The following GPC5 variants were observed in gnomAD, a reference collection of about 807,000 sequenced individuals.
The protein encoded by GPC5 is glypican 5.
Under a neutral mutation model 53.9 loss-of-function variants are expected in GPC5, and 47 were observed. The ratio of observed to expected loss-of-function variants is 0.87; its 90% confidence interval spans 0.69 to 1.11. The LOEUF (loss-of-function observed/expected upper bound fraction) is 1.11, where lower values mean the gene tolerates loss of function less well. Among genes scored for constraint, GPC5 ranks in the 50% most tolerant of loss-of-function variants. GPC5 has a pLI of 0.00. For missense variants in GPC5, 748 were observed against 713.1 expected (o/e 1.05, Z -0.56); for synonymous variants, 286 against 263.3 (o/e 1.09, Z -0.84).
chr13:92,122,740 CTTTTTTTTTTTT>C (rs3058805), intron 6 of GPC5, among the ~76,000 whole-genome samples: 34 of 67,086 alleles, frequency 5.1e-4, no homozygotes, highest in South Asian at 6.7e-4. Flanking sequence ...ATAGGTCAGT[CTTTTTTTTTTTT>C]TTTTTTTTTT....
At chr13:91,419,145 G>A (rs1878434358) in intron 1 of GPC5, among the ~76,000 whole-genome samples, 1 of 152,000 alleles carries the variant, frequency 6.6e-6, no homozygotes, top group Non-Finnish European at 1.5e-5. Context: ...AATAATTTGA[G>A]CAAGAAGGAA....
intron 7 of GPC5, among the ~76,000 whole-genome samples, chr13:92,295,740 C>A (rs1285925044): frequency 6.6e-6 from 1 of 152,134 alleles, no homozygotes; most frequent in Non-Finnish European, 1.5e-5. Flanking sequence ...ACTCCTGTTG[C>A]TTTAAAGCCT....
intron 2 of GPC5, among the ~76,000 whole-genome samples, chr13:91,595,111 C>T (rs944497020): frequency 1.3e-5 from 2 of 151,778 alleles, no homozygotes; most frequent in African/African-American, 4.8e-5. Context: ...GCAACCTCCA[C>T]CTGTTGGGTT....
At chr13:91,967,080 T>A in intron 6 of GPC5, among the ~76,000 whole-genome samples, 1 of 152,204 alleles carries the variant, frequency 6.6e-6, no homozygotes, top group East Asian at 1.9e-4. Flanking sequence ...CAGTTCTACG[T>A]GGCTGGGGAG....
At chr13:92,270,816 T>C (rs2042834626) in intron 7 of GPC5, among the ~76,000 whole-genome samples, 1 of 152,216 alleles carries the variant, frequency 6.6e-6, no homozygotes, top group Non-Finnish European at 1.5e-5. Context: ...GCTAAACTCC[T>C]TTTTAAAAAT....
chr13:92,696,285 A>G (rs1354411041), intron 7 of GPC5, among the ~76,000 whole-genome samples: 4 of 151,420 alleles, frequency 2.6e-5, no homozygotes, highest in Non-Finnish European at 5.9e-5. Context: ...TGTCTTCCAC[A>G]ATGGTGCAAT....
Position 91,478,822 on chromosome 13 carries a change from T to TACAC in GPC5, c.325+29910_325+29913dup, listed in dbSNP as rs1194096313. On this transcript the variant is annotated intron_variant, in intron 2 of 7. Transcript: ENST00000377067. The stretch of plus-strand genomic sequence containing the variant: ...ATATATATATATATATATATATATA[T>TACAC]ACACACACACACATATATATACACA... 4.0e-3 allele frequency among the ~76,000 whole-genome samples: 368 copies of TACAC among 92,152 alleles called. 32 individuals carry two copies. Among genetic ancestry groups the TACAC allele is most frequent in the African/African-American group, 0.018 (341 of 19,346 alleles). The allele number at this position is 92,152 out of a possible 152,430, so 60.5% of individuals were successfully genotyped here. A position where few individuals can be genotyped will look rare whatever the true frequency, so the allele number is the denominator to read the frequency against.
intron 7 of GPC5, among the ~76,000 whole-genome samples, chr13:92,226,247 G>C (rs948786868): frequency 9.9e-5 from 15 of 152,208 alleles, no homozygotes; most frequent in Admixed American, 7.8e-4. Context: ...CAGTCTCGGG[G>C]AGTTTATAGC....
intron 7 of GPC5, among the ~76,000 whole-genome samples, chr13:92,518,480 C>A (rs573298506): frequency 6.6e-6 from 1 of 152,246 alleles, no homozygotes; most frequent in African/African-American, 2.4e-5. Context: ...ATTCAACATT[C>A]TTAAAGAAAA....
At chr13:92,288,599 T>C (rs2042972509) in intron 7 of GPC5, among the ~76,000 whole-genome samples, 1 of 152,148 alleles carries the variant, frequency 6.6e-6, no homozygotes, top group Non-Finnish European at 1.5e-5. Flanking sequence ...CCCTGGACAA[T>C]ACCAGTGTTT....
chr13:92,385,533 C>A (rs1392912168), intron 7 of GPC5, among the ~76,000 whole-genome samples: 1 of 135,976 alleles, frequency 7.4e-6, no homozygotes, highest in Non-Finnish European at 1.5e-5. Flanking sequence ...TGCATATATA[C>A]ATATATGCAT....
intron 7 of GPC5, among the ~76,000 whole-genome samples, chr13:92,763,334 T>C (rs1001716555): frequency 3.3e-5 from 5 of 151,706 alleles, no homozygotes; most frequent in Admixed American, 1.3e-4. Context: ...TCTGAGTAGA[T>C]GAAGGGGTAC....
intron 7 of GPC5, among the ~76,000 whole-genome samples, chr13:92,397,269 G>A (rs990325027): frequency 1.3e-5 from 2 of 149,660 alleles, no homozygotes; most frequent in Non-Finnish European, 3.0e-5. Context: ...AATCATGGGG[G>A]CTGGGGGGGG....
chr13:92,208,209 G>A (rs1332827227), intron 7 of GPC5, among the ~76,000 whole-genome samples: 2 of 152,174 alleles, frequency 1.3e-5, no homozygotes, highest in African/African-American at 2.4e-5. Context: ...ATCTTGGAAC[G>A]GGGTTCTTCC....
chr13:92,555,859 A>G (rs7993371), intron 7 of GPC5, among the ~76,000 whole-genome samples: 29,411 of 150,902 alleles, frequency 0.19, 2,894 homozygotes, highest in South Asian at 0.22. Context: ...AGTGAAATCT[A>G]TTAGAGTAAT....
chr13:92,220,228 C>G (rs2042438963), intron 7 of GPC5, among the ~76,000 whole-genome samples: 1 of 152,098 alleles, frequency 6.6e-6, no homozygotes, highest in South Asian at 2.1e-4. Context: ...AGTGTAGCCA[C>G]TCTTCTGGGT....
At chr13:92,361,435 T>G (rs367744526) in intron 7 of GPC5, among the ~76,000 whole-genome samples, 15 of 151,818 alleles carry the variant, frequency 9.9e-5, no homozygotes, top group Non-Finnish European at 2.1e-4. Flanking sequence ...AGTCTTTAAG[T>G]TGCTTTAAGA....
At chr13:92,129,252 G>A (rs929508973) in intron 6 of GPC5, among the ~76,000 whole-genome samples, 8 of 152,080 alleles carry the variant, frequency 5.3e-5, no homozygotes, top group African/African-American at 1.9e-4. Flanking sequence ...ACCTCAAAAG[G>A]ATCATACTTC....
chr13:91,713,683 A>G (rs1306971075), intron 3 of GPC5, among the ~76,000 whole-genome samples: 3 of 152,128 alleles, frequency 2.0e-5, no homozygotes, highest in East Asian at 3.9e-4. Flanking sequence ...AGACTCTTTA[A>G]AACCCAGAAA....
Sources: gnomAD v4.1 joint callset for allele counts (sites outside exome capture counted in the v4.1 genomes callset) on GRCh38, gnomAD v4.1.1 for gene constraint, MANE v1.5 for transcripts, NCBI Gene and HGNC (gene_info 2026-07-23, HGNC 2026-07-21) for gene names.